Variants in DNAAF2 observed in about 807,000 individuals in gnomAD.
DNAAF2 encodes the protein protein kintoun.
In DNAAF2, 58 loss-of-function variants were observed where a neutral mutation model predicts 48.8. That is an observed-to-expected ratio of 1.19 (90% CI 0.96 to 1.48). The LOEUF is 1.48. DNAAF2 is among the 40% of genes most tolerant of loss of function. DNAAF2 has a pLI of 0.00. For synonymous variants in DNAAF2, 567 were observed against 481.2 expected, an observed-to-expected ratio of 1.18 and a Z score of -2.33; for missense variants, 1,241 against 1,116.1, an observed-to-expected ratio of 1.11 and a Z score of -1.59.
At chr14:49,630,667 CT>C (rs1231295680) in intron 1 of DNAAF2, among the ~76,000 whole-genome samples, 14 of 69,838 alleles carry the variant, frequency 2.0e-4, no homozygotes, top group Admixed American at 5.2e-4. Context: ...TAAACTCTCT[CT>C]CCACACACAC....
At position 49,625,607 on chromosome 14, in the gene DNAAF2, T is replaced by C. The variant is rs777785769; in HGVS notation, c.2449A>G (p.Ile817Val). The C allele has an allele frequency of 9.9e-6, 16 of 1,612,048 alleles. No homozygotes were observed. The highest frequency in any genetic ancestry group is 1.4e-5 in the Non-Finnish European group (16 of 1,179,348). The change falls in exon 3 of 3, where the codon ATT becomes GTT. Residue 817 changes from isoleucine (I) to valine (V), a missense_variant. Coordinates refer to ENST00000298292, the MANE Select transcript of DNAAF2 (RefSeq NM_018139.3). The part of the protein sequence containing the change: ...TNMQDGSVQV[I>V]KDHVTNCAFS... Reference sequence around the variant, plus strand: ...GCACAATTGGTCACATGATCTTTAATGACCTGCACACTACCATCCTGCATA... The same window carrying C: ...GCACAATTGGTCACATGATCTTTAACGACCTGCACACTACCATCCTGCATA...
chr14:49,634,876 C>T lies in DNAAF2; in HGVS notation c.274G>A (p.Val92Ile), dbSNP rs1416652175. 2.6e-6 allele frequency: 4 copies of T among 1,548,950 alleles called. No homozygotes were observed. Among genetic ancestry groups the T allele is most frequent in the Non-Finnish European group, 2.6e-6 (3 of 1,146,320 alleles). The change falls in exon 1 of 3, where the codon GTC (valine) becomes ATC (isoleucine). Residue 92 changes from valine (V) to isoleucine (I), a missense_variant. Val to Ile is a conservative substitution (Grantham distance 29). Coordinates refer to ENST00000298292, the MANE Select transcript of DNAAF2 (RefSeq NM_018139.3). ...LDGARRCFVN[V>I]CSNALVGAPS... Reference sequence around the variant, plus strand: ...GCGCCCACCAACGCGTTGCTGCAGACATTCACAAAGCAGCGCCGCGCCCCG... The same window carrying T: ...GCGCCCACCAACGCGTTGCTGCAGATATTCACAAAGCAGCGCCGCGCCCCG...
rs1213557289 is a variant in DNAAF2 at position 49,633,838 on chromosome 14, G to A, written c.1312C>T (p.Gln438Ter). Residue 438 changes from glutamine to a stop codon, truncating the protein, a stop_gained, in exon 1 of 3, where the codon CAG becomes TAG. Transcript: ENST00000298292. LOFTEE classifies it high-confidence loss of function. The stretch of plus-strand genomic sequence containing the variant: ...GACCCCGCGTGCCTGCTCAAGTCCT[G>A]CTCCCCCGGCTTGGGGACACGCTCC... ...GEERVPKPGE[Q>*]DLSRHAGSPP... 1.3e-6 allele frequency: 2 copies of A among 1,568,212 alleles called. No individual in the cohort carries two copies. The highest frequency in any genetic ancestry group is 1.7e-6 in the Non-Finnish European group (2 of 1,165,030).
chr14:49,634,848 G>A lies in DNAAF2; in HGVS notation c.302C>T (p.Pro101Leu). The change falls in exon 1 of 3, where the codon CCC becomes CTC. Residue 101 changes from proline to leucine, a missense_variant. Physicochemically the swap from Pro to Leu is moderately conservative, Grantham distance 98 (BLOSUM62 -3). Coordinates refer to ENST00000298292, the MANE Select transcript of DNAAF2 (RefSeq NM_018139.3). ...NVCSNALVGA[P>L]SSRPGSGGDR... ...GCCACCGGAGCCGGGCCGGCTGCTG[G>A]GCGCGCCCACCAACGCGTTGCTGCA... is the stretch of plus-strand genomic sequence containing the variant. 6.5e-7 allele frequency: 1 copy of A among 1,546,066 alleles called. No homozygotes were observed. The highest frequency in any genetic ancestry group is 8.7e-7 in the Non-Finnish European group (1 of 1,145,772).
Position 49,633,472 on chromosome 14 carries a change from G to A in DNAAF2, c.1678C>T (p.Arg560Cys). ...TAAACTAAGTCTTGTGCGGAGAAGC[G>A]TAATTTGTACCAGAGGGGATTCAAA... ...GDLNPLWYKL[R>C]FSAQDLVYSF... Residue 560 changes from arginine (R) to cysteine (C), a missense_variant, in exon 1 of 3, where the codon CGC becomes TGC. Transcript: ENST00000298292. 1 of 1,614,042 alleles carries A rather than the reference G, an allele frequency of 6.2e-7. No individual in the cohort carries two copies. Among genetic ancestry groups the A allele is most frequent in the Non-Finnish European group, 8.5e-7 (1 of 1,179,896 alleles).
rs1883252510 is a variant in DNAAF2, at chr14:49,634,043, G to A, written c.1107C>T (p.Ser369=). ...VAVAAAAPEE[S]ADRSGTDGQA... is the part of the protein sequence containing the mutation. ...GGCCGTCAGTTCCGGACCGGTCCGC[G>A]GACTCTTCCGGCGCGGCGGCGGCGA... The change falls in exon 1 of 3, where the codon TCC becomes TCT. Residue 369 remains serine (S), a synonymous_variant. Transcript: ENST00000298292. 21 of 1,519,154 alleles carry A rather than the reference G, an allele frequency of 1.4e-5. No individual in the cohort carries two copies. The highest frequency in any genetic ancestry group is 1.5e-5 in the Non-Finnish European group (17 of 1,138,166). 94.1% of individuals were successfully genotyped at this position (1,519,154 alleles called of 1,614,324 possible). A position where few individuals can be genotyped will look rare whatever the true frequency, so the allele number is the denominator to read the frequency against.
chr14:49,626,972 A>G (rs1284994836), intron 2 of DNAAF2, among the ~76,000 whole-genome samples: 1 of 151,612 alleles, frequency 6.6e-6, no homozygotes, highest in African/African-American at 2.4e-5. Context: ...CGCCCGGCTA[A>G]TTTTTATATT....
rs186921448 is a variant in DNAAF2, at chr14:49,626,962, C to T, written c.2008-914G>A. ...CTGAGATTACAGGTGCCTGCCATGA[C>T]GCCCGGCTAATTTTTATATTTTTAG... On this transcript the variant is annotated intron_variant, in intron 2 of 2. Transcript: ENST00000298292. Among the ~76,000 whole-genome samples the T allele has an allele frequency of 1.1e-3, 170 of 151,958 alleles. 3 individuals are homozygous for T. In the East Asian group the frequency reaches 0.018, roughly 16 times the overall value.
rs1303104473 is a variant in DNAAF2, at chr14:49,627,874, ACTTTT to A, written c.2007+133_2007+137del. 25 of 931,486 alleles carry A rather than the reference ACTTTT, an allele frequency of 2.7e-5. No homozygotes were observed. The South Asian group carries it at 3.7e-4, about 14-fold the overall frequency. The allele number at this position is 931,486 out of a possible 1,614,324, so 57.7% of individuals were successfully genotyped here. A position where few individuals can be genotyped will look rare whatever the true frequency, so the allele number is the denominator to read the frequency against. ...CATCTCAAAAAAAAAAAAAAGAAAA[ACTTTT>A]CTTCTCTTAACATCACTCTGCCCAA... On this transcript the variant is annotated intron_variant, in intron 2 of 2. Transcript: ENST00000298292.
chr14:49,634,824 C>G lies in DNAAF2; in HGVS notation c.326G>C (p.Gly109Ala), dbSNP rs1883295973. 1 of 1,546,630 alleles carries G rather than the reference C, an allele frequency of 6.5e-7. No individual in the cohort carries two copies. Among genetic ancestry groups the G allele is most frequent in the Admixed American group, 2.0e-5 (1 of 51,062 alleles). The change falls in exon 1 of 3, where the codon GGC (glycine) becomes GCC (alanine). Residue 109 changes from glycine (G) to alanine (A), a missense_variant. Gly to Ala is a moderately conservative substitution (Grantham distance 60). Transcript: ENST00000298292. Reference sequence around the variant, plus strand: ...GCTGCCAGGAGCTGCGCCCCGGTCGCCACCGGAGCCGGGCCGGCTGCTGGG... The same window carrying G: ...GCTGCCAGGAGCTGCGCCCCGGTCGGCACCGGAGCCGGGCCGGCTGCTGGG... The part of the protein sequence containing the change: ...GAPSSRPGSG[G>A]DRGAAPGSHW...
Position 49,634,158 on chromosome 14 carries a change from C to T in DNAAF2, c.992G>A (p.Gly331Asp), listed in dbSNP as rs1239787606. 1.9e-6 allele frequency: 3 copies of T among 1,596,330 alleles called. No homozygotes were observed. Among genetic ancestry groups the T allele is most frequent in the Non-Finnish European group, 2.6e-6 (3 of 1,172,676 alleles). ...CCGGGCCTTGTTGAATTGTGCCTTG[C>T]CGCGGCCATCGTCCACTGGGTACGG... ...SLPYPVDDGR[G>D]KAQFNKARRQ... The change falls in exon 1 of 3, where the codon GGC becomes GAC. Residue 331 changes from glycine (G) to aspartate (D), a missense_variant. Coordinates refer to ENST00000298292, the MANE Select transcript of DNAAF2 (RefSeq NM_018139.3).
chr14:49,632,913 TTG>T (rs1272047606), intron 1 of DNAAF2, among the ~76,000 whole-genome samples: 260 of 5,236 alleles, frequency 0.05, no homozygotes, highest in South Asian at 0.083. Context: ...AAATTTTAAG[TTG>T]TTTTTTTTTT....
rs747153076 is a variant in DNAAF2 at position 49,635,103 on chromosome 14, C to T, written c.47G>A (p.Ser16Asn). 4 of 1,578,096 alleles carry T rather than the reference C, an allele frequency of 2.5e-6. No homozygotes were observed. In the South Asian group the frequency reaches 4.6e-5, roughly 18 times the overall value. Reference sequence around the variant, plus strand: ...GGTGAGCCGCTGGACCTCCTCTCCGCTCAGGTCCAAGTCCTCCAGCGACGA... The same window carrying T: ...GGTGAGCCGCTGGACCTCCTCTCCGTTCAGGTCCAAGTCCTCCAGCGACGA... ...ASSSLEDLDL[S>N]GEEVQRLTSA... The change falls in exon 1 of 3, where the codon AGC (serine) becomes AAC (asparagine). Residue 16 changes from serine to asparagine, a missense_variant. Coordinates refer to ENST00000298292, the MANE Select transcript of DNAAF2 (RefSeq NM_018139.3).
intron 1 of DNAAF2, among the ~76,000 whole-genome samples, chr14:49,633,082 C>G (rs182203593): frequency 6.6e-6 from 1 of 152,016 alleles, no homozygotes; most frequent in East Asian, 1.9e-4. Context: ...CTACCATGCC[C>G]GGCTAATTTT....
At position 49,634,233 on chromosome 14, in the gene DNAAF2, A is replaced by G. The variant is rs1200068091; in HGVS notation, c.917T>C (p.Leu306Pro). The G allele has an allele frequency of 1.2e-6, 2 of 1,612,400 alleles. No homozygotes were observed. Among genetic ancestry groups the G allele is most frequent in the Non-Finnish European group, 1.7e-6 (2 of 1,179,772 alleles). The change falls in exon 1 of 3, where the codon CTG becomes CCG. Residue 306 changes from leucine to proline, a missense_variant. By Grantham distance (98) the Leu-to-Pro change is moderately conservative. Coordinates refer to ENST00000298292, the MANE Select transcript of DNAAF2 (RefSeq NM_018139.3). ...EQAALEVTRK[L>P]LCLDSRKPDY... ...AGGTTTCCTCGAGTCGAGGCACAGC[A>G]GCTTTCTCGTTACCTCCAGCGCCGC...
chr14:49,634,657 C>T lies in DNAAF2; in HGVS notation c.493G>A (p.Asp165Asn). ...RRHEGFRQML[D>N]ATALEAVEKQ... The stretch of plus-strand genomic sequence containing the variant: ...TCGACGGCCTCCAGGGCCGTGGCGT[C>T]CAGCATCTGGCGGAAGCCCTCGTGC... The change falls in exon 1 of 3, where the codon GAC (aspartate) becomes AAC (asparagine). Residue 165 changes from aspartate (D) to asparagine (N), a missense_variant. Asp to Asn is a conservative substitution (Grantham distance 23, BLOSUM62 1). Coordinates refer to ENST00000298292, the MANE Select transcript of DNAAF2 (RefSeq NM_018139.3). 6.2e-7 allele frequency: 1 copy of T among 1,606,842 alleles called. No homozygotes were observed. Among genetic ancestry groups the T allele is most frequent in the Non-Finnish European group, 8.5e-7 (1 of 1,179,704 alleles).
At chr14:49,629,931 T>A (rs1486751753) in intron 1 of DNAAF2, 1 of 151,914 alleles carries the variant, frequency 6.6e-6, no homozygotes, top group Admixed American at 6.6e-5. Context: ...AGAGAAAAAG[T>A]AAATTATGAA....
At chr14:49,626,451 T>C (rs1883009075) in intron 2 of DNAAF2, among the ~76,000 whole-genome samples, 1 of 152,148 alleles carries the variant, frequency 6.6e-6, no homozygotes, top group African/African-American at 2.4e-5. Context: ...ATAGTGCCAC[T>C]GTACTCCAGC....
chr14:49,626,799 CTTTTTTTTTTTTTT>C (rs34085502), intron 2 of DNAAF2, among the ~76,000 whole-genome samples: 1 of 63,384 alleles, frequency 1.6e-5, no homozygotes, highest in Non-Finnish European at 2.7e-5. Context: ...TGCTGCCAGT[CTTTTTTTTTTTTTT>C]TTTTTTTTTT....
Sources: allele counts gnomAD v4.1 joint callset (sites outside exome capture counted in the v4.1 genomes callset), GRCh38; gene constraint gnomAD v4.1.1; transcripts MANE v1.5; gene names NCBI Gene and HGNC (gene_info 2026-07-23, HGNC 2026-07-21).